Variants in ZNF385D observed in about 807,000 individuals in gnomAD.
ZNF385D encodes the protein zinc finger protein 659.
Under a neutral mutation model 35.8 loss-of-function variants are expected in ZNF385D, and 15 were observed. That is an observed-to-expected ratio of 0.42 (90% confidence interval 0.28 to 0.64). The LOEUF (loss-of-function observed/expected upper bound fraction) is 0.64, where lower values mean the gene tolerates loss of function less well. Among genes scored for constraint, ZNF385D ranks in the 30% least tolerant of loss-of-function variants. ZNF385D has a pLI of 0.23. For missense variants in ZNF385D, 474 were observed against 494.6 expected (o/e 0.96, Z 0.39); for synonymous variants, 212 against 186.8 (o/e 1.13, Z -1.10).
At chr3:21,951,346 T>C (rs1702055205) in intron 3 of ZNF385D, among the ~76,000 whole-genome samples, 1 of 151,696 alleles carries the variant, frequency 6.6e-6, no homozygotes, top group African/African-American at 2.4e-5. Flanking sequence ...GGCTATCTGA[T>C]TGTCTATTAT....
In ZNF385D at chr3:21,941,614, C is replaced by T. The variant is rs534526210; in HGVS notation, c.325+227203G>A. Among the ~76,000 whole-genome samples, 57 of 151,446 alleles carry T rather than the reference C, an allele frequency of 3.8e-4. No individual in the cohort carries two copies. The Middle Eastern group carries it at 0.01, about 28-fold the overall frequency. On this transcript the variant is annotated intron_variant, in intron 3 of 5. Coordinates refer to the ZNF385D transcript ENST00000494108. ...CCGGGTTCACGCCATTCTCCTGCCT[C>T]AGCCTCCCGAGTAACTGGGACCACA...
chr3:21,428,369 C>T (rs1030462655), intron 5 of ZNF385D, among the ~76,000 whole-genome samples: 2 of 151,908 alleles, frequency 1.3e-5, no homozygotes, highest in African/African-American at 2.4e-5. Flanking sequence ...GTTACTAGCT[C>T]GTGGTCACAA....
At chr3:22,023,894 G>A (rs956425360) in intron 3 of ZNF385D, among the ~76,000 whole-genome samples, 2 of 152,012 alleles carry the variant, frequency 1.3e-5, no homozygotes, top group Non-Finnish European at 2.9e-5. Flanking sequence ...GTATTAGTTC[G>A]TTTTCATACT....
chr3:21,713,124 T>C (rs2068178638), intron 1 of ZNF385D, among the ~76,000 whole-genome samples: 1 of 152,218 alleles, frequency 6.6e-6, no homozygotes, highest in African/African-American at 2.4e-5. Context: ...AGATGGCTCC[T>C]CTGTTTCCAT....
Position 21,436,836 on chromosome 3 carries a change from A to T in ZNF385D, c.673+134T>A. 4.6e-6 allele frequency: 4 copies of T among 865,844 alleles called. No individual in the cohort carries two copies. The South Asian group carries it at 7.3e-5, about 16-fold the overall frequency. The allele number at this position is 865,844 out of a possible 1,614,324, so 53.6% of individuals were successfully genotyped here. Reference sequence around the variant, plus strand: ...ACTTTGCTCGTCATTTTTATTTTTTAATGGTTAATGATTTCCATGTAATAA... The same window carrying T: ...ACTTTGCTCGTCATTTTTATTTTTTTATGGTTAATGATTTCCATGTAATAA... On this transcript the variant is annotated intron_variant, in intron 5 of 7. Transcript: ENST00000281523.
intron 2 of ZNF385D, among the ~76,000 whole-genome samples, chr3:21,585,408 C>G (rs905649589): frequency 1.3e-5 from 2 of 152,132 alleles, no homozygotes; most frequent in African/African-American, 2.4e-5. Flanking sequence ...TAGCTTTTCT[C>G]TGTTGCTAAA....
At chr3:21,943,314 A>G (rs956757501) in intron 3 of ZNF385D, among the ~76,000 whole-genome samples, 1 of 151,508 alleles carries the variant, frequency 6.6e-6, no homozygotes, top group Non-Finnish European at 1.5e-5. Flanking sequence ...GTGTGTATAT[A>G]TATGTATATA....
At chr3:21,603,270 A>G (rs924775120) in intron 2 of ZNF385D, among the ~76,000 whole-genome samples, 4 of 152,252 alleles carry the variant, frequency 2.6e-5, no homozygotes, top group African/African-American at 4.8e-5. Context: ...CTCTCCTTAT[A>G]TAATGCTGGA....
chr3:22,282,906 GA>G (rs1466597826), intron 2 of ZNF385D, among the ~76,000 whole-genome samples: 1 of 151,984 alleles, frequency 6.6e-6, no homozygotes, highest in Non-Finnish European at 1.5e-5. Flanking sequence ...GAATGGATAA[GA>G]ATTCACCAAT....
intron 3 of ZNF385D, among the ~76,000 whole-genome samples, chr3:22,103,005 T>G (rs1385219024): frequency 1.3e-5 from 2 of 150,574 alleles, no homozygotes; most frequent in African/African-American, 4.9e-5. Flanking sequence ...ACTGTATATA[T>G]ATAAGTGAAT....
chr3:21,722,324 C>A (rs760369140), intron 1 of ZNF385D, among the ~76,000 whole-genome samples: 1 of 152,172 alleles, frequency 6.6e-6, no homozygotes, highest in African/African-American at 2.4e-5. Context: ...GAACAATAGA[C>A]ATTTTGTAGG....
intron 3 of ZNF385D, among the ~76,000 whole-genome samples, chr3:21,980,261 T>C (rs1694354385): frequency 6.6e-6 from 1 of 152,152 alleles, no homozygotes; most frequent in African/African-American, 2.4e-5. Context: ...TTCAGCACTG[T>C]CCAATAACTT....
intron 3 of ZNF385D, among the ~76,000 whole-genome samples, chr3:21,958,050 G>A (rs1459409924): frequency 6.6e-6 from 1 of 152,036 alleles, no homozygotes; most frequent in Non-Finnish European, 1.5e-5. Flanking sequence ...CCCACACATT[G>A]CCCTTTTAAT....
In ZNF385D at chr3:21,415,246, G is replaced by GTTA. The variant is rs1466410084; in HGVS notation, c.*5965_*5967dup. On this transcript the variant is annotated 3_prime_UTR_variant, in exon 8 of 8. Transcript: ENST00000281523. ...CTCTCTGCTAATTTTCCGTTGTCTT[G>GTTA]TTATACCATGTCCTGCACACTACCT... 2 of 152,042 alleles carry GTTA rather than the reference G, an allele frequency of 1.3e-5. No homozygotes were observed. The highest frequency in any genetic ancestry group is 2.9e-5 in the Non-Finnish European group (2 of 67,986). The allele number at this position is 152,042 out of a possible 1,614,324, so 9.4% of individuals were successfully genotyped here. A position where few individuals can be genotyped will look rare whatever the true frequency, so the allele number is the denominator to read the frequency against.
chr3:22,077,071 C>G (rs1305719508), intron 3 of ZNF385D, among the ~76,000 whole-genome samples: 1 of 151,748 alleles, frequency 6.6e-6, no homozygotes, highest in South Asian at 2.1e-4. Context: ...CCTTAATACC[C>G]ATAATAACCA....
chr3:22,159,310 T>A (rs1705796290), intron 3 of ZNF385D, among the ~76,000 whole-genome samples: 1 of 152,066 alleles, frequency 6.6e-6, no homozygotes, highest in South Asian at 2.1e-4. Flanking sequence ...CGTTATAAAT[T>A]TAATTCATTC....
chr3:21,889,936 T>TCTGTGTGTGC (rs1479650718), intron 3 of ZNF385D, among the ~76,000 whole-genome samples: 3 of 152,090 alleles, frequency 2.0e-5, no homozygotes, highest in Admixed American at 6.6e-5. Flanking sequence ...ACATAGCATC[T>TCTGTGTGTGC]CTGTGTGTGC....
At chr3:22,240,559 T>C (rs1437723549) in intron 2 of ZNF385D, among the ~76,000 whole-genome samples, 1 of 151,036 alleles carries the variant, frequency 6.6e-6, no homozygotes. Context: ...CAGCATTACC[T>C]TGAGCCCTGC....
intron 2 of ZNF385D, among the ~76,000 whole-genome samples, chr3:22,304,186 T>C (rs1329653141): frequency 1.3e-5 from 2 of 152,208 alleles, no homozygotes; most frequent in Non-Finnish European, 2.9e-5. Flanking sequence ...GCAAGTTTCT[T>C]CTTGTTTTCT....
Sources: allele counts gnomAD v4.1 joint callset (sites outside exome capture counted in the v4.1 genomes callset), GRCh38; gene constraint gnomAD v4.1.1; transcripts MANE v1.5; gene names NCBI Gene and HGNC (gene_info 2026-07-23, HGNC 2026-07-21).